Variants in SLC6A17 observed in about 807,000 individuals in gnomAD.
The protein encoded by SLC6A17 is sodium-dependent neutral amino acid transporter SLC6A17.
SLC6A17 carries 21 observed loss-of-function variants against 64.5 expected under a neutral mutation model. The ratio of observed to expected loss-of-function variants is 0.33; its 90% CI spans 0.23 to 0.47. SLC6A17 has a LOEUF of 0.47. Among genes scored for constraint, SLC6A17 ranks in the 20% least tolerant of loss-of-function variants. The pLI, the probability that SLC6A17 is intolerant of heterozygous loss-of-function variation, is 1.00. For synonymous variants in SLC6A17, 372 were observed against 399.5 expected (o/e 0.93, Z 0.82); for missense variants, 682 against 963.2 (o/e 0.71, Z 3.86).
Position 110,198,570 on chromosome 1 carries a change from C to T in SLC6A17, c.*126C>T. ...CCTTTGCCCAAGAAGAGAGGGTCTGCCCTGCCTCACTCCCCTCTTCAGTCC... is the reference window on the plus strand; with the variant it reads ...CCTTTGCCCAAGAAGAGAGGGTCTGTCCTGCCTCACTCCCCTCTTCAGTCC... On this transcript the variant is annotated 3_prime_UTR_variant, in exon 12 of 12. Transcript: ENST00000331565. 2.1e-6 allele frequency: 3 copies of T among 1,445,906 alleles called. No homozygotes were observed. The highest frequency in any genetic ancestry group is 1.4e-5 in the South Asian group (1 of 72,892). The allele number at this position is 1,445,906 out of a possible 1,614,324, so 89.6% of individuals were successfully genotyped here.
Position 110,192,345 on chromosome 1 carries a change from A to G in SLC6A17, c.1106+132A>G. 2 of 1,469,836 alleles carry G rather than the reference A, an allele frequency of 1.4e-6. No individual in the cohort carries two copies. Among genetic ancestry groups the G allele is most frequent in the East Asian group, 4.6e-5 (2 of 43,720 alleles). The allele number at this position is 1,469,836 out of a possible 1,614,324, so 91.0% of individuals were successfully genotyped here. A position where few individuals can be genotyped will look rare whatever the true frequency, so the allele number is the denominator to read the frequency against. ...CAGACTGAGGAATGGAGATCAGAGGAGCACTCTCTGTCCCCAGCTCCGGGC... is the reference window on the plus strand; with the variant it reads ...CAGACTGAGGAATGGAGATCAGAGGGGCACTCTCTGTCCCCAGCTCCGGGC... On this transcript the variant is annotated intron_variant, in intron 7 of 11. Transcript: ENST00000331565. The surrounding 1 kb of genome is among the most constrained non-coding windows in gnomAD (Gnocchi z 4.3).
At chr1:110,175,016 A>AGGGGGCC in intron 5 of SLC6A17, 56 bp downstream of exon 5, 2 of 1,562,718 alleles carry the variant, frequency 1.3e-6, no homozygotes, top group Non-Finnish European at 1.7e-6. Context: ...AAAGGCACAG[A>AGGGGGCC]GGGCACAGGG....
intron 6 of SLC6A17, among the ~76,000 whole-genome samples, chr1:110,178,880 G>T (rs990978072): frequency 6.6e-6 from 1 of 152,156 alleles, no homozygotes; most frequent in African/African-American, 2.4e-5. Flanking sequence ...ATTTTGAAGG[G>T]ATACTAACAT....
chr1:110,171,377 C>A (rs1429153989), intron 2 of SLC6A17, among the ~76,000 whole-genome samples: 1 of 152,150 alleles, frequency 6.6e-6, no homozygotes, highest in East Asian at 1.9e-4. Flanking sequence ...GCAGTGAGGC[C>A]CAGGACAGCG....
intron 6 of SLC6A17, among the ~76,000 whole-genome samples, chr1:110,189,756 A>C (rs1276973291): frequency 6.6e-6 from 1 of 151,954 alleles, no homozygotes; most frequent in Non-Finnish European, 1.5e-5. Context: ...GTCCTATCTC[A>C]GGACCTCTGT....
chr1:110,171,340 C>G (rs1223938012), intron 2 of SLC6A17, among the ~76,000 whole-genome samples: 2 of 152,212 alleles, frequency 1.3e-5, no homozygotes, highest in African/African-American at 4.8e-5. Flanking sequence ...GCTAAATGCC[C>G]TGTCACTTGG....
Position 110,199,899 on chromosome 1 carries a change from A to T in SLC6A17, c.*1455A>T. Reference sequence around the variant, plus strand: ...TTGGGGAGTGGGGGTGGATGGATGGATAGATGGATGGATGGATGGATGGAT... The same window carrying T: ...TTGGGGAGTGGGGGTGGATGGATGGTTAGATGGATGGATGGATGGATGGAT... On this transcript the variant is annotated 3_prime_UTR_variant, in exon 12 of 12. Transcript: ENST00000331565. 3.1e-6 allele frequency: 1 copy of T among 325,966 alleles called. No individual in the cohort carries two copies. The highest frequency in any genetic ancestry group is 4.6e-5 in the East Asian group (1 of 21,876). The allele number at this position is 325,966 out of a possible 1,614,324, so 20.2% of individuals were successfully genotyped here. A position where few individuals can be genotyped will look rare whatever the true frequency, so the allele number is the denominator to read the frequency against.
At chr1:110,193,500 C>G (rs1026289342) in intron 8 of SLC6A17, among the ~76,000 whole-genome samples, 2 of 152,248 alleles carry the variant, frequency 1.3e-5, no homozygotes, top group African/African-American at 4.8e-5. Flanking sequence ...AGGCTGGAGC[C>G]AAGGCTCACA....
chr1:110,198,517 T>G lies in SLC6A17; in HGVS notation c.*73T>G. The G allele has an allele frequency of 6.5e-7, 1 of 1,531,138 alleles. No individual in the cohort carries two copies. Among genetic ancestry groups the G allele is most frequent in the East Asian group, 2.3e-5 (1 of 44,214 alleles). 94.8% of individuals were successfully genotyped at this position (1,531,138 alleles called of 1,614,324 possible). A position where few individuals can be genotyped will look rare whatever the true frequency, so the allele number is the denominator to read the frequency against. ...ACTTGTCCAGGCCTGGCCTCTTTCT[T>G]GAGGTGGCCACCAGGCCCAGGCCAG... is the stretch of plus-strand genomic sequence containing the variant. On this transcript the variant is annotated 3_prime_UTR_variant, in exon 12 of 12. Coordinates refer to ENST00000331565, the MANE Select transcript of SLC6A17 (RefSeq NM_001010898.4).
chr1:110,199,644 A>C lies in SLC6A17; in HGVS notation c.*1200A>C. 3.7e-6 allele frequency: 1 copy of C among 267,282 alleles called. No individual in the cohort carries two copies. The highest frequency in any genetic ancestry group is 7.0e-6 in the Non-Finnish European group (1 of 142,314). The allele number at this position is 267,282 out of a possible 1,614,324, so 16.6% of individuals were successfully genotyped here. ...TTCCTGGCCCACAGTGGCCAGTGCC[A>C]TAGGCAGTGCTGTGGACAGTAGAGG... On this transcript the variant is annotated 3_prime_UTR_variant, in exon 12 of 12. Transcript: ENST00000331565.
rs572050643 is a variant in SLC6A17, at chr1:110,165,913, T to G, written c.-87-930T>G. 8.7e-4 allele frequency among the ~76,000 whole-genome samples: 133 copies of G among 152,358 alleles called. 1 individual carries two copies. Among genetic ancestry groups the G allele is most frequent in the Middle Eastern group, 3.4e-3 (1 of 294 alleles). ...ACCTTCCCTTAATGAGGGGGTGCCT[T>G]GAAATATAACGGAATGGTGGAATTC... On this transcript the variant is annotated intron_variant, in intron 1 of 11. Coordinates refer to ENST00000331565, the MANE Select transcript of SLC6A17 (RefSeq NM_001010898.4).
chr1:110,174,811 A>G lies in SLC6A17; in HGVS notation c.604A>G (p.Thr202Ala). ...VEAECEKSSA[T>A]TYFWYREALD... ...GGCAGAGTGTGAAAAGAGCTCAGCC[A>G]CTACCTACTTCTGGTACCGAGAGGC... The change falls in exon 5 of 12, where the codon ACT becomes GCT. Residue 202 changes from threonine (T) to alanine (A), a missense_variant. Coordinates refer to ENST00000331565, the MANE Select transcript of SLC6A17 (RefSeq NM_001010898.4). 6.2e-7 allele frequency: 1 copy of G among 1,614,188 alleles called. No individual in the cohort carries two copies. The highest frequency in any genetic ancestry group is 8.5e-7 in the Non-Finnish European group (1 of 1,180,030).
chr1:110,197,620 C>T (rs1156629388), intron 11 of SLC6A17, 21 bp downstream of exon 11: 7 of 1,568,310 alleles, frequency 4.5e-6, no homozygotes, highest in Non-Finnish European at 6.0e-6. Context: ...GGGCCCCAAA[C>T]CCCAGGGACA....
At chr1:110,151,771 T>C (rs1037128075) in intron 1 of SLC6A17, among the ~76,000 whole-genome samples, 1 of 152,158 alleles carries the variant, frequency 6.6e-6, no homozygotes, top group Non-Finnish European at 1.5e-5. Flanking sequence ...TTAGAAAATA[T>C]TTTTTGATGC....
At chr1:110,172,488 C>T (rs946889006) in intron 3 of SLC6A17, 10 of 406,340 alleles carry the variant, frequency 2.5e-5, no homozygotes, top group Admixed American at 4.1e-5. Context: ...CACATGGGGC[C>T]GCCTGGGACA....
Position 110,199,838 on chromosome 1 carries a change from GAGAT to G in SLC6A17, c.*1395_*1398del, listed in dbSNP as rs892709099. On this transcript the variant is annotated 3_prime_UTR_variant, in exon 12 of 12. Coordinates refer to ENST00000331565, the MANE Select transcript of SLC6A17 (RefSeq NM_001010898.4). ...TGACCCAAGAGTAAATGTCTGCAGA[GAGAT>G]GGATGGATGGATGGATAGATGGATG... The G allele has an allele frequency of 3.0e-5, 12 of 395,266 alleles. No homozygotes were observed. The highest frequency in any genetic ancestry group is 4.4e-5 in the Non-Finnish European group (10 of 225,166). The allele number at this position is 395,266 out of a possible 1,614,324, so 24.5% of individuals were successfully genotyped here. A position where few individuals can be genotyped will look rare whatever the true frequency, so the allele number is the denominator to read the frequency against.
chr1:110,199,857 A>G lies in SLC6A17; in HGVS notation c.*1413A>G, dbSNP rs997811779. 7.9e-6 allele frequency: 3 copies of G among 381,754 alleles called. No individual in the cohort carries two copies. Among genetic ancestry groups the G allele is most frequent in the Non-Finnish European group, 9.1e-6 (2 of 219,120 alleles). The allele number at this position is 381,754 out of a possible 1,614,324, so 23.6% of individuals were successfully genotyped here. ...TGCAGAGAGATGGATGGATGGATGG[A>G]TAGATGGATGGATGGGTTGGGGAGT... is the stretch of plus-strand genomic sequence containing the variant. On this transcript the variant is annotated 3_prime_UTR_variant, in exon 12 of 12. Transcript: ENST00000331565.
chr1:110,195,319 C>A (rs544644624), intron 9 of SLC6A17, among the ~76,000 whole-genome samples: 1 of 152,232 alleles, frequency 6.6e-6, no homozygotes, highest in Non-Finnish European at 1.5e-5. Flanking sequence ...AAGTAGCGCA[C>A]CTGCCACGGG....
intron 6 of SLC6A17, among the ~76,000 whole-genome samples, chr1:110,177,320 T>C (rs1021495906): frequency 5.3e-5 from 8 of 152,192 alleles, no homozygotes; most frequent in African/African-American, 1.7e-4. Flanking sequence ...CATTCACACT[T>C]CCTCTTAATT....
Sources: allele counts gnomAD v4.1 joint callset (sites outside exome capture counted in the v4.1 genomes callset), GRCh38; gene constraint gnomAD v4.1.1; non-coding constraint Gnocchi (gnomAD v3.1); transcripts MANE v1.5; gene names NCBI Gene and HGNC (gene_info 2026-07-23, HGNC 2026-07-21).